The following GALNTL6 variants were observed in gnomAD, a reference collection of about 807,000 sequenced individuals.
The protein encoded by GALNTL6 is polypeptide N-acetylgalactosaminyltransferase-like 6.
A neutral mutation model predicts 73.7 loss-of-function variants in GALNTL6; 46 were observed. The observed-to-expected ratio is 0.62, with a 90% CI of 0.49 to 0.80. GALNTL6 has a LOEUF of 0.80. GALNTL6 is among the 30% of genes least tolerant of loss of function. The pLI is 0.00. For synonymous variants in GALNTL6, 259 were observed against 263.7 expected (o/e 0.98, Z 0.17); for missense variants, 604 against 755.0 (o/e 0.80, Z 2.34).
chr4:172,322,678 C>G (rs1012142265), intron 4 of GALNTL6, among the ~76,000 whole-genome samples: 1 of 151,974 alleles, frequency 6.6e-6, no homozygotes, highest in African/African-American at 2.4e-5. Context: ...ACAACCAAAT[C>G]TCGTGAGAAT....
chr4:172,211,349 G>GT (rs1473276254), intron 2 of GALNTL6, among the ~76,000 whole-genome samples: 1 of 152,090 alleles, frequency 6.6e-6, no homozygotes, highest in African/African-American at 2.4e-5. Flanking sequence ...GTATTTACAC[G>GT]TATGTCTAAA....
intron 5 of GALNTL6, among the ~76,000 whole-genome samples, chr4:172,481,372 G>C: frequency 6.6e-6 from 1 of 152,058 alleles, no homozygotes; most frequent in East Asian, 1.9e-4. Context: ...CCAGCAAGAC[G>C]TATTGCAAAG....
chr4:173,027,905 G>GA (rs1404358997), intron 12 of GALNTL6, among the ~76,000 whole-genome samples: 1 of 152,138 alleles, frequency 6.6e-6, no homozygotes, highest in Admixed American at 6.5e-5. Context: ...AATAGAAAAT[G>GA]AAGTTTAAAA....
intron 2 of GALNTL6, among the ~76,000 whole-genome samples, chr4:171,929,596 G>A (rs1370353091): frequency 6.6e-6 from 1 of 152,164 alleles, no homozygotes; most frequent in Non-Finnish European, 1.5e-5. Flanking sequence ...GCGTGGCCTC[G>A]AGCAGCTAGC....
At chr4:172,658,014 G>C (rs1466624654) in intron 5 of GALNTL6, among the ~76,000 whole-genome samples, 4 of 147,182 alleles carry the variant, frequency 2.7e-5, no homozygotes, top group Admixed American at 1.4e-4. Context: ...GCCGGGCGTA[G>C]TGGCGGGCGC....
In GALNTL6 at chr4:172,529,043, G is replaced by A. The variant is rs370415852; in HGVS notation, c.553+180354G>A. Among the ~76,000 whole-genome samples the A allele has an allele frequency of 2.4e-4, 33 of 136,768 alleles. 1 individual carries two copies. The East Asian group carries it at 6.5e-3, about 27-fold the overall frequency. 89.7% of individuals were successfully genotyped at this position (136,768 alleles called of 152,430 possible). On this transcript the variant is annotated intron_variant, in intron 5 of 12. Transcript: ENST00000506823. ...CACACATATATATATATATCAAGTA[G>A]CAGTACAAGCAGGATCTGAACCCAT... is the stretch of plus-strand genomic sequence containing the variant.
At chr4:172,424,917 T>TC (rs376678852) in intron 5 of GALNTL6, among the ~76,000 whole-genome samples, 131,447 of 151,630 alleles carry the variant, frequency 0.87, 57,027 homozygotes, top group South Asian at 0.89. Flanking sequence ...CTATGCAAGT[T>TC]TGTCATCTCA....
chr4:172,396,198 C>T (rs1239728253), intron 5 of GALNTL6, among the ~76,000 whole-genome samples: 2 of 152,120 alleles, frequency 1.3e-5, no homozygotes, highest in Non-Finnish European at 2.9e-5. Context: ...TGAGCCCTTC[C>T]TCGGGCAGTT....
At chr4:171,923,824 G>C (rs1300375916) in intron 2 of GALNTL6, among the ~76,000 whole-genome samples, 9 of 149,954 alleles carry the variant, frequency 6.0e-5, no homozygotes, top group Non-Finnish European at 8.9e-5. Context: ...GTGTGTGTGT[G>C]TGTTTGAAGT....
At chr4:172,064,153 G>A (rs1247619728) in intron 2 of GALNTL6, among the ~76,000 whole-genome samples, 1 of 152,082 alleles carries the variant, frequency 6.6e-6, no homozygotes, top group East Asian at 1.9e-4. Context: ...TTCAAATATT[G>A]GCCATATTAA....
At chr4:172,375,488 T>C (rs1234955607) in intron 5 of GALNTL6, among the ~76,000 whole-genome samples, 1 of 152,138 alleles carries the variant, frequency 6.6e-6, no homozygotes, top group African/African-American at 2.4e-5. Flanking sequence ...ATGCCCCCAG[T>C]TTTGGTTTGT....
chr4:172,013,187 A>T (rs1741075691), intron 2 of GALNTL6, among the ~76,000 whole-genome samples: 1 of 152,076 alleles, frequency 6.6e-6, no homozygotes, highest in African/African-American at 2.4e-5. Context: ...GGAAACGTTC[A>T]AAGTCCTCTT....
At position 172,069,535 on chromosome 4, in the gene GALNTL6, A is replaced by ATGTTATATATAACACACATATGTG. The variant is rs58953734; in HGVS notation, c.139-160120_139-160119insGTTATATATAACACACATATGTGT. 3.6e-5 allele frequency among the ~76,000 whole-genome samples: 2 copies of ATGTTATATATAACACACATATGTG among 55,972 alleles called. 1 individual carries two copies. Among genetic ancestry groups the ATGTTATATATAACACACATATGTG allele is most frequent in the Non-Finnish European group, 6.8e-5 (2 of 29,296 alleles). 36.7% of individuals were successfully genotyped at this position (55,972 alleles called of 152,430 possible). A position where few individuals can be genotyped will look rare whatever the true frequency, so the allele number is the denominator to read the frequency against. On this transcript the variant is annotated intron_variant, in intron 2 of 12. Coordinates refer to ENST00000506823, the MANE Select transcript of GALNTL6 (RefSeq NM_001034845.3). ...TATATGTTATATGTATAACACATAT[A>ATGTTATATATAACACACATATGTG]TTATATATAACACATATATGTTATA...
chr4:172,543,370 T>C (rs113206702), intron 5 of GALNTL6, among the ~76,000 whole-genome samples: 196 of 152,300 alleles, frequency 1.3e-3, no homozygotes, highest in Non-Finnish European at 2.1e-3. Flanking sequence ...TAAGTAAACT[T>C]TTCATTGTTT....
rs75965439 is a variant in GALNTL6, at chr4:172,125,629, A to T, written c.139-104027A>T. On this transcript the variant is annotated intron_variant, in intron 2 of 12. Transcript: ENST00000506823. ...CTTCCATCACTTATTCAGACATTCC[A>T]TGACATGAGCAGAACTTCAGCTTTG... 8.1e-3 allele frequency among the ~76,000 whole-genome samples: 1,241 copies of T among 152,300 alleles called. 20 individuals carry two copies. Among genetic ancestry groups the T allele is most frequent in the African/African-American group, 0.028 (1,172 of 41,558 alleles).
chr4:172,862,488 G>A (rs1029906355), intron 7 of GALNTL6, among the ~76,000 whole-genome samples: 1 of 152,192 alleles, frequency 6.6e-6, no homozygotes, highest in African/African-American at 2.4e-5. Context: ...TACAAGGTCA[G>A]GAGTTCAAGA....
At chr4:172,173,459 G>A (rs773869553) in intron 2 of GALNTL6, among the ~76,000 whole-genome samples, 4 of 152,224 alleles carry the variant, frequency 2.6e-5, no homozygotes, top group Non-Finnish European at 5.9e-5. Flanking sequence ...GGCACACAGT[G>A]CACAGGGTGC....
chr4:172,178,650 TTC>T (rs1194075961), intron 2 of GALNTL6, among the ~76,000 whole-genome samples: 1 of 127,102 alleles, frequency 7.9e-6, no homozygotes, highest in African/African-American at 3.4e-5. Context: ...GTGACACATT[TTC>T]TTTTTTTTTT....
chr4:172,185,233 G>A (rs1176661414), intron 2 of GALNTL6, among the ~76,000 whole-genome samples: 1 of 152,036 alleles, frequency 6.6e-6, no homozygotes. Flanking sequence ...AAATAATGAT[G>A]GCATCTAGAA....
Sources: allele counts gnomAD v4.1 joint callset (sites outside exome capture counted in the v4.1 genomes callset), GRCh38; gene constraint gnomAD v4.1.1; transcripts MANE v1.5; gene names NCBI Gene and HGNC (gene_info 2026-07-23, HGNC 2026-07-21).